Variants in CA8 observed in about 807,000 individuals in gnomAD.
The protein encoded by CA8 is carbonic anhydrase 8 (inactive).
CA8 carries 22 observed loss-of-function variants against 41.4 expected under a neutral mutation model. That is an observed-to-expected ratio of 0.53 (90% CI 0.38 to 0.76). The LOEUF is 0.76. CA8 is among the 30% of genes least tolerant of loss of function. The pLI is 0.00. For synonymous variants in CA8, 121 were observed against 130.6 expected (o/e 0.93, Z 0.50); for missense variants, 270 against 352.8 (o/e 0.77, Z 1.88).
chr8:60,221,604 A>C (rs1339150422), intron 7 of CA8, among the ~76,000 whole-genome samples: 8 of 152,244 alleles, frequency 5.3e-5, no homozygotes, highest in Admixed American at 2.0e-4. Context: ...TTATAAGAAC[A>C]AATAGATGAA....
chr8:60,268,985 G>A (rs770312953), intron 2 of CA8, among the ~76,000 whole-genome samples: 20 of 152,196 alleles, frequency 1.3e-4, no homozygotes, highest in Non-Finnish European at 2.4e-4. Context: ...CCAGGAACCA[G>A]GCTCTGGGTA....
intron 2 of CA8, among the ~76,000 whole-genome samples, chr8:60,275,882 C>A (rs972983919): frequency 6.6e-6 from 1 of 152,128 alleles, no homozygotes; most frequent in Non-Finnish European, 1.5e-5. Flanking sequence ...AGAAGCAGAA[C>A]GGCGCTAGAT....
Position 60,281,109 on chromosome 8 carries a change from G to T in CA8, c.39C>A (p.Phe13Leu). 6.2e-7 allele frequency: 1 copy of T among 1,601,026 alleles called. No homozygotes were observed. The highest frequency in any genetic ancestry group is 8.5e-7 in the Non-Finnish European group (1 of 1,175,122). Residue 13 changes from phenylalanine (F) to leucine (L), a missense_variant, in exon 1 of 9, where the codon TTC becomes TTA. Physicochemically the swap from Phe to Leu is conservative, Grantham distance 22. This residue lies in a region of CA8 where 123 missense variants were observed against 136.8 expected (regional missense o/e 0.90). Coordinates refer to ENST00000317995, the MANE Select transcript of CA8 (RefSeq NM_004056.6). ...DLSFIEDTVA[F>L]PEKEEDEEEE... ...CCTCCTCATCCTCTTCCTTCTCGGG[G>T]AAGGCGACGGTATCTTCGATGAAGC...
At chr8:60,214,429 G>A (rs1806947361) in intron 7 of CA8, among the ~76,000 whole-genome samples, 1 of 152,122 alleles carries the variant, frequency 6.6e-6, no homozygotes, top group South Asian at 2.1e-4. Flanking sequence ...CCATTCAGGT[G>A]GGTCCTGAAG....
chr8:60,252,338 A>C lies in CA8; in HGVS notation c.417+13587T>G, dbSNP rs190206361. 3.6e-3 allele frequency among the ~76,000 whole-genome samples: 553 copies of C among 152,348 alleles called. 3 individuals are homozygous for C. Among genetic ancestry groups the C allele is most frequent in the African/African-American group, 0.012 (489 of 41,588 alleles). On this transcript the variant is annotated intron_variant, in intron 3 of 8. Coordinates refer to ENST00000317995, the MANE Select transcript of CA8 (RefSeq NM_004056.6). The stretch of plus-strand genomic sequence containing the variant: ...GGAGGTTCTGCTGGTGTTGCCTCGG[A>C]AACTCAGGCAGAGGCATATAGTACC...
intron 8 of CA8, among the ~76,000 whole-genome samples, chr8:60,191,294 C>T (rs769794631): frequency 1.3e-5 from 2 of 151,908 alleles, no homozygotes; most frequent in South Asian, 4.1e-4. Context: ...TAAAAATATA[C>T]TTTTAGCACT....
chr8:60,212,018 C>T (rs1806853351), intron 7 of CA8, among the ~76,000 whole-genome samples: 1 of 152,150 alleles, frequency 6.6e-6, no homozygotes, highest in Non-Finnish European at 1.5e-5. Flanking sequence ...AATGCTACTC[C>T]ACTTAAACAT....
chr8:60,256,033 G>T (rs996227811), intron 3 of CA8, among the ~76,000 whole-genome samples: 2 of 113,306 alleles, frequency 1.8e-5, no homozygotes, highest in Non-Finnish European at 3.4e-5. Context: ...CTCAGCTTCC[G>T]TAGTAGCTGG....
At chr8:60,267,863 T>C (rs1282421375) in intron 2 of CA8, among the ~76,000 whole-genome samples, 1 of 152,216 alleles carries the variant, frequency 6.6e-6, no homozygotes. Context: ...TTTGTAGATA[T>C]TCAGAACCAC....
intron 7 of CA8, among the ~76,000 whole-genome samples, chr8:60,210,299 AT>A (rs1806788214): frequency 6.6e-6 from 1 of 152,200 alleles, no homozygotes; most frequent in Non-Finnish European, 1.5e-5. Flanking sequence ...GTATCAAGGG[AT>A]TATATCCACA....
chr8:60,242,176 C>G (rs935789596), intron 3 of CA8, among the ~76,000 whole-genome samples: 2 of 152,280 alleles, frequency 1.3e-5, no homozygotes, highest in East Asian at 1.9e-4. Flanking sequence ...GATTAGTGCA[C>G]AATCGAAATG....
intron 7 of CA8, among the ~76,000 whole-genome samples, chr8:60,213,586 C>A (rs1337094831): frequency 6.6e-6 from 1 of 152,218 alleles, no homozygotes; most frequent in Non-Finnish European, 1.5e-5. Context: ...CTTGTCCAAT[C>A]TGAGATGTGC....
At position 60,261,077 on chromosome 8, in the gene CA8, G is replaced by A. The variant is rs183030416; in HGVS notation, c.417+4848C>T. On this transcript the variant is annotated intron_variant, in intron 3 of 8. Coordinates refer to ENST00000317995, the MANE Select transcript of CA8 (RefSeq NM_004056.6). Reference sequence around the variant, plus strand: ...TAAATACTAGATGCTACCATGTGCCGCCTGGAAAGAGAAGAAGAAATGTGG... The same window carrying A: ...TAAATACTAGATGCTACCATGTGCCACCTGGAAAGAGAAGAAGAAATGTGG... 6.3e-4 allele frequency among the ~76,000 whole-genome samples: 95 copies of A among 151,908 alleles called. 2 individuals carry two copies. The highest frequency in any genetic ancestry group is 4.1e-4 in the Non-Finnish European group (28 of 67,952).
At chr8:60,235,877 C>G (rs1807812502) in intron 3 of CA8, among the ~76,000 whole-genome samples, 1 of 152,114 alleles carries the variant, frequency 6.6e-6, no homozygotes, top group Non-Finnish European at 1.5e-5. Flanking sequence ...GAATCAAACT[C>G]CCCCATAATA....
intron 3 of CA8, among the ~76,000 whole-genome samples, chr8:60,261,276 C>T (rs1803724934): frequency 6.6e-6 from 1 of 152,166 alleles, no homozygotes; most frequent in Non-Finnish European, 1.5e-5. Context: ...ACCTAATGCA[C>T]CCAACTTTCC....
At chr8:60,234,896 G>A (rs1807778550) in intron 3 of CA8, among the ~76,000 whole-genome samples, 1 of 152,062 alleles carries the variant, frequency 6.6e-6, no homozygotes, top group Non-Finnish European at 1.5e-5. Context: ...AATCATGACA[G>A]ACCCCCTTTC....
intron 3 of CA8, among the ~76,000 whole-genome samples, chr8:60,261,368 A>G (rs1803726685): frequency 6.6e-6 from 1 of 152,146 alleles, no homozygotes; most frequent in South Asian, 2.1e-4. Flanking sequence ...AATACAATAT[A>G]AAGAAAGATA....
intron 2 of CA8, among the ~76,000 whole-genome samples, chr8:60,276,837 G>C (rs954602749): frequency 6.6e-6 from 1 of 152,156 alleles, no homozygotes; most frequent in Admixed American, 6.5e-5. Flanking sequence ...AACTGGCCTC[G>C]TCCAGGTGCT....
At chr8:60,235,343 T>G (rs1036739832) in intron 3 of CA8, among the ~76,000 whole-genome samples, 11 of 152,198 alleles carry the variant, frequency 7.2e-5, no homozygotes, top group African/African-American at 2.7e-4. Context: ...GCACAGTGGA[T>G]TAGGGCATGC....
Sources: gnomAD v4.1 joint callset for allele counts (sites outside exome capture counted in the v4.1 genomes callset) on GRCh38, gnomAD v4.1.1 for gene constraint, gnomAD v4.1.1 regional missense constraint, MANE v1.5 for transcripts, NCBI Gene and HGNC (gene_info 2026-07-23, HGNC 2026-07-21) for gene names.